MDN1: variants seen among roughly 807,000 people sequenced by gnomAD.
The protein encoded by MDN1 is midasin.
MDN1 carries 266 observed loss-of-function variants against 669.2 expected under a neutral mutation model. The ratio of observed to expected loss-of-function variants is 0.40; its 90% CI spans 0.36 to 0.44. MDN1 has a LOEUF of 0.44. Ranked by LOEUF, MDN1 falls within the 20% of genes least tolerant of loss-of-function variation. MDN1 has a pLI of 1.00. For synonymous variants in MDN1, 2,385 were observed against 2,457.1 expected (o/e 0.97, Z 0.87); for missense variants, 5,940 against 6,754.0 (o/e 0.88, Z 4.22).
rs1021259555 is a variant in MDN1, at chr6:89,645,069, G to A, written c.16548C>T (p.Ala5516=). The change falls in exon 101 of 102, where the codon GCC becomes GCT. Residue 5516 remains alanine (A), a synonymous_variant. Transcript: ENST00000369393. ...AGATGACAAAGATATTTGCATTCCGGGCAGCCTGAACTGCTGCCAGGACTC... is the reference window on the plus strand; with the variant it reads ...AGATGACAAAGATATTTGCATTCCGAGCAGCCTGAACTGCTGCCAGGACTC... The part of the protein sequence containing the change: ...KERVLAAVQA[A]RNANIFVIFV... The A allele has an allele frequency of 3.7e-6, 6 of 1,610,554 alleles. No homozygotes were observed. Among genetic ancestry groups the A allele is most frequent in the East Asian group, 4.5e-5 (2 of 44,816 alleles).
chr6:89,677,016 CAAAA>C (rs577064668), intron 76 of MDN1, among the ~76,000 whole-genome samples: 4 of 80,266 alleles, frequency 5.0e-5, no homozygotes, highest in African/African-American at 1.1e-4. Flanking sequence ...AATCAAAAGG[CAAAA>C]AAAAAAAAAA....
In MDN1 at chr6:89,680,724, C is replaced by T. The variant is rs9353689; in HGVS notation, c.12130G>A (p.Ala4044Thr). ...TCCCCTTCCAAGCCGGAAGGAGCAG[C>T]GCCCTGACACCACTCTGGAATTGTG... The part of the protein sequence containing the change: ...QATIPEWCQG[A>T]APSGLEGELL... Residue 4044 changes from alanine to threonine, a missense_variant, in exon 74 of 102, where the codon GCT (alanine) becomes ACT (threonine). Physicochemically the swap from Ala to Thr is moderately conservative, Grantham distance 58. This residue lies in a region of MDN1 where 2,280 missense variants were observed against 2,576.3 expected (regional missense o/e 0.88). Transcript: ENST00000369393. 2.5e-6 allele frequency: 4 copies of T among 1,613,670 alleles called. No individual in the cohort carries two copies. In the East Asian group the frequency reaches 6.7e-5, roughly 27 times the overall value.
rs1367098242 is a variant in MDN1, at chr6:89,787,947, A to C, written c.1241T>G (p.Leu414Arg). Reference sequence around the variant, plus strand: ...CTCTCCATTCTCCAAGAGAGGGATCAGCACAGAAACCTAAATCAGATAACA... The same window carrying C: ...CTCTCCATTCTCCAAGAGAGGGATCCGCACAGAAACCTAAATCAGATAACA... ...DYAPLDVVSV[L>R]IPLLENGELL... Residue 414 changes from leucine to arginine, a missense_variant, in exon 8 of 102, where the codon CTG (leucine) becomes CGG (arginine). Coordinates refer to ENST00000369393, the MANE Select transcript of MDN1 (RefSeq NM_014611.3). The C allele has an allele frequency of 6.2e-7, 1 of 1,612,976 alleles. No individual in the cohort carries two copies.
intron 46 of MDN1, 87 bp downstream of exon 46, chr6:89,714,456 C>T (rs563575009): frequency 8.1e-5 from 95 of 1,176,946 alleles, no homozygotes; most frequent in Non-Finnish European, 1.0e-4. Flanking sequence ...ACTAAATGTA[C>T]GAAATCTTTG....
At position 89,723,130 on chromosome 6, in the gene MDN1, A is replaced by G. The variant is rs1814959974; in HGVS notation, c.5792T>C (p.Val1931Ala). The G allele has an allele frequency of 1.9e-6, 3 of 1,614,006 alleles. No homozygotes were observed. The East Asian group carries it at 6.7e-5, about 36-fold the overall frequency. Residue 1931 changes from valine (V) to alanine (A), a missense_variant, in exon 40 of 102, where the codon GTG becomes GCG. By Grantham distance (64) the Val-to-Ala change is moderately conservative. Coordinates refer to ENST00000369393, the MANE Select transcript of MDN1 (RefSeq NM_014611.3). ...TTGCCCCCATTTCTTCTCAACAGTC[A>G]CTTCATGATCAATCTAGAAAGAAAA... ...VAFNNQIDHE[V>A]TVEKKWGQKG...
At chr6:89,724,682 ACT>A (rs1267643403) in intron 38 of MDN1, among the ~76,000 whole-genome samples, 1 of 152,186 alleles carries the variant, frequency 6.6e-6, no homozygotes, top group African/African-American at 2.4e-5. Context: ...GATTGGCCAA[ACT>A]CTGAAAAACT....
chr6:89,812,901 C>T (rs147080300), intron 1 of MDN1, among the ~76,000 whole-genome samples: 1 of 152,042 alleles, frequency 6.6e-6, no homozygotes, highest in Non-Finnish European at 1.5e-5. Flanking sequence ...GAGTTCAAGA[C>T]CAGCCTGGGC....
chr6:89,677,295 T>C (rs1385010548), intron 76 of MDN1, among the ~76,000 whole-genome samples: 3 of 152,034 alleles, frequency 2.0e-5, no homozygotes, highest in Non-Finnish European at 2.9e-5. Context: ...GGTTTTGCCA[T>C]GTTGGTCAGG....
At chr6:89,644,487 TCA>T (rs1332901944) in intron 101 of MDN1, among the ~76,000 whole-genome samples, 7 of 152,196 alleles carry the variant, frequency 4.6e-5, no homozygotes, top group African/African-American at 1.7e-4. Flanking sequence ...TTGGAATCAT[TCA>T]CACTAAATCT....
intron 2 of MDN1, among the ~76,000 whole-genome samples, chr6:89,795,514 C>T (rs1819537716): frequency 6.6e-6 from 1 of 152,002 alleles, no homozygotes; most frequent in Non-Finnish European, 1.5e-5. Flanking sequence ...AGATCATTTG[C>T]CAGGTTCCAG....
chr6:89,653,172 A>G lies in MDN1; in HGVS notation c.15662-17T>C. On this transcript the variant is annotated splice_polypyrimidine_tract_variant and intron_variant, in intron 93 of 101. Coordinates refer to ENST00000369393, the MANE Select transcript of MDN1 (RefSeq NM_014611.3). ...CATCAAAGCCTATTTTCATTTAAGG[A>G]CATAATTTTACTTATAATATTAGCC... 6.3e-7 allele frequency: 1 copy of G among 1,599,026 alleles called. No individual in the cohort carries two copies. Among genetic ancestry groups the G allele is most frequent in the Non-Finnish European group, 8.5e-7 (1 of 1,175,604 alleles).
At chr6:89,676,284 G>GT (rs1252764542) in intron 76 of MDN1, 77 bp from the exon 77 acceptor site, 1 of 1,308,778 alleles carries the variant, frequency 7.6e-7, no homozygotes, top group East Asian at 2.3e-5. Context: ...TCAGATATTG[G>GT]TATATTTGGC....
At chr6:89,809,546 C>T (rs1768240641) in intron 1 of MDN1, among the ~76,000 whole-genome samples, 2 of 151,828 alleles carry the variant, frequency 1.3e-5, no homozygotes, top group East Asian at 2.0e-4. Context: ...GAGGCCAAGG[C>T]GGGTGGATTA....
At chr6:89,747,212 C>T in intron 27 of MDN1, 117 bp downstream of exon 27, 2 of 1,197,280 alleles carry the variant, frequency 1.7e-6, no homozygotes, top group African/African-American at 3.1e-5. Flanking sequence ...GAAACAGGCT[C>T]TCTGGAATAC....
At chr6:89,772,163 C>G (rs544389417) in intron 14 of MDN1, among the ~76,000 whole-genome samples, 1 of 152,156 alleles carries the variant, frequency 6.6e-6, no homozygotes, top group South Asian at 2.1e-4. Flanking sequence ...TATCTTCCTA[C>G]CTCAGATCTG....
chr6:89,647,289 G>A (rs1808552435), intron 99 of MDN1, among the ~76,000 whole-genome samples: 1 of 152,154 alleles, frequency 6.6e-6, no homozygotes, highest in Non-Finnish European at 1.5e-5. Flanking sequence ...AAATGTCCAG[G>A]GCAGCCTAGA....
In MDN1 at chr6:89,743,719, T is replaced by TA. The variant is rs1459320867; in HGVS notation, c.4179-6dup. 1.9e-6 allele frequency: 3 copies of TA among 1,613,238 alleles called. No individual in the cohort carries two copies. The highest frequency in any genetic ancestry group is 4.5e-5 in the East Asian group (2 of 44,890). On this transcript the variant is annotated splice_region_variant and splice_polypyrimidine_tract_variant and intron_variant, in intron 29 of 101. Transcript: ENST00000369393. ...CAGATAGTAGTTTTCCCACACCTGT[T>TA]AGAGATGTGCAACTGATTAACAAGG...
Position 89,819,691 on chromosome 6 carries a change from G to A in MDN1, c.-84C>T, listed in dbSNP as rs1017360392. On this transcript the variant is annotated 5_prime_UTR_variant, in exon 1 of 102. Transcript: ENST00000369393. ...CCAAGCCGCCGAGGTCCCAGTGCCC[G>A]AGCAGCCAGCAACTACGCCCGCAGG... The A allele has an allele frequency of 1.2e-5, 14 of 1,142,418 alleles. No individual in the cohort carries two copies. In the Admixed American group the frequency reaches 1.9e-4, roughly 16 times the overall value. The allele number at this position is 1,142,418 out of a possible 1,614,324, so 70.8% of individuals were successfully genotyped here.
chr6:89,727,177 C>T (rs1335049578), intron 37 of MDN1, among the ~76,000 whole-genome samples: 4 of 152,174 alleles, frequency 2.6e-5, no homozygotes, highest in Non-Finnish European at 4.4e-5. Context: ...CCACAGCACC[C>T]TCTCTGATGA....
Sources: allele counts gnomAD v4.1 joint callset (sites outside exome capture counted in the v4.1 genomes callset), GRCh38; gene constraint gnomAD v4.1.1; regional missense constraint gnomAD v4.1.1; transcripts MANE v1.5; gene names NCBI Gene and HGNC (gene_info 2026-07-23, HGNC 2026-07-21).